PDZRN3: variants seen among roughly 807,000 people sequenced by gnomAD.
PDZRN3 encodes the protein E3 ubiquitin-protein ligase PDZRN3.
Under a neutral mutation model 85.7 loss-of-function variants are expected in PDZRN3, and 38 were observed. The ratio of observed to expected loss-of-function variants is 0.44; its 90% CI spans 0.34 to 0.58. The LOEUF is 0.58. PDZRN3 is among the 20% of genes least tolerant of loss of function. The probability of loss-of-function intolerance (pLI) is 0.01; values close to 1 mark genes in which losing one functional copy is unlikely to be tolerated. For missense variants in PDZRN3, 1,629 were observed against 1,506.4 expected (o/e 1.08, Z -1.35); for synonymous variants, 759 against 638.0 (o/e 1.19, Z -2.86).
chr3:73,502,206 G>A (rs989452861), intron 3 of PDZRN3, among the ~76,000 whole-genome samples: 1 of 152,188 alleles, frequency 6.6e-6, no homozygotes, highest in Non-Finnish European at 1.5e-5. Flanking sequence ...TCTTGATTTG[G>A]TTGCTCATGA....
intron 3 of PDZRN3, among the ~76,000 whole-genome samples, chr3:73,544,688 T>C (rs1035187544): frequency 4.4e-5 from 6 of 137,626 alleles, no homozygotes; most frequent in Admixed American, 2.1e-4. Flanking sequence ...ACTATCTGGG[T>C]TTTTTTTTTT....
chr3:73,410,954 A>G (rs1359682454), intron 3 of PDZRN3, among the ~76,000 whole-genome samples: 3 of 152,210 alleles, frequency 2.0e-5, no homozygotes, highest in Non-Finnish European at 4.4e-5. Flanking sequence ...AGCTCCAGAT[A>G]TTATAGGAAA....
chr3:73,498,978 C>T (rs2106679753), intron 3 of PDZRN3, among the ~76,000 whole-genome samples: 1 of 152,258 alleles, frequency 6.6e-6, no homozygotes, highest in Middle Eastern at 3.4e-3. Flanking sequence ...GAGATACAAG[C>T]TGGGGTAGCA....
In PDZRN3 at chr3:73,624,883, C is replaced by A. The variant is rs1392781079; in HGVS notation, c.-58G>T. ...CGGCCGGGCGCCCCCTCCCTCCCCA[C>A]GAGGCGGCCCAGACAGGCCGGCTAC... On this transcript the variant is annotated 5_prime_UTR_variant, in exon 1 of 10. Coordinates refer to ENST00000263666, the MANE Select transcript of PDZRN3 (RefSeq NM_015009.3). 8 of 1,251,026 alleles carry A rather than the reference C, an allele frequency of 6.4e-6. No individual in the cohort carries two copies. The highest frequency in any genetic ancestry group is 7.0e-6 in the Non-Finnish European group (7 of 995,864). 77.5% of individuals were successfully genotyped at this position (1,251,026 alleles called of 1,614,324 possible).
At chr3:73,533,020 T>C (rs1259460540) in intron 3 of PDZRN3, among the ~76,000 whole-genome samples, 5 of 152,234 alleles carry the variant, frequency 3.3e-5, no homozygotes, top group African/African-American at 1.2e-4. Context: ...TAGAAACTCT[T>C]TGAGAAGTCT....
chr3:73,561,551 T>G (rs959945553), intron 3 of PDZRN3: 1 of 152,244 alleles, frequency 6.6e-6, no homozygotes, highest in African/African-American at 2.4e-5. Flanking sequence ...TTTGGATGCG[T>G]CAGCTCGGAA....
At chr3:73,521,401 G>A (rs770755450) in intron 3 of PDZRN3, among the ~76,000 whole-genome samples, 1 of 152,082 alleles carries the variant, frequency 6.6e-6, no homozygotes, top group Non-Finnish European at 1.5e-5. Flanking sequence ...GGCAGATGGC[G>A]CCAGATTAAA....
intron 3 of PDZRN3, among the ~76,000 whole-genome samples, chr3:73,493,958 T>G (rs1170485656): frequency 2.6e-5 from 4 of 152,246 alleles, no homozygotes; most frequent in Admixed American, 6.5e-5. Context: ...TTAGCACAGC[T>G]AAGTAAATTG....
intron 9 of PDZRN3, 141 bp from the exon 10 acceptor site, chr3:73,385,071 C>T (rs977970415): frequency 8.8e-6 from 8 of 909,960 alleles, no homozygotes; most frequent in East Asian, 2.6e-5. Context: ...AGTAGGACCA[C>T]GTCAATAGCG....
chr3:73,600,810 CT>C (rs988160624), intron 3 of PDZRN3, among the ~76,000 whole-genome samples: 2 of 152,146 alleles, frequency 1.3e-5, no homozygotes, highest in Admixed American at 6.5e-5. Context: ...TGTATTCACT[CT>C]CAAAAAAGAC....
intron 3 of PDZRN3, among the ~76,000 whole-genome samples, chr3:73,504,098 C>A (rs1704030019): frequency 6.6e-6 from 1 of 152,170 alleles, no homozygotes; most frequent in East Asian, 1.9e-4. Context: ...TATTACACTG[C>A]TGTGTATGTG....
At chr3:73,494,087 C>G (rs1575689627) in intron 3 of PDZRN3, among the ~76,000 whole-genome samples, 2 of 152,262 alleles carry the variant, frequency 1.3e-5, no homozygotes, top group Admixed American at 1.3e-4. Flanking sequence ...TTGCTTTTCG[C>G]TATGTTTTGT....
Position 73,385,036 on chromosome 3 carries a change from C to T in PDZRN3, c.1636-106G>A, listed in dbSNP as rs534628230. 3.0e-6 allele frequency: 4 copies of T among 1,347,884 alleles called. No homozygotes were observed. In the African/African-American group the frequency reaches 5.9e-5, roughly 20 times the overall value. The allele number at this position is 1,347,884 out of a possible 1,614,324, so 83.5% of individuals were successfully genotyped here. ...TCTGGATAGGGCAGGCTGTACATTT[C>T]TAAGGCCAAGGGACAGCATCTGACA... On this transcript the variant is annotated intron_variant, in intron 9 of 9. Transcript: ENST00000263666.
intron 3 of PDZRN3, among the ~76,000 whole-genome samples, chr3:73,488,738 G>A (rs972618885): frequency 2.6e-5 from 4 of 152,188 alleles, no homozygotes; most frequent in African/African-American, 9.7e-5. Flanking sequence ...TGTGCTTGGG[G>A]CTTAATGCTC....
chr3:73,539,829 A>T (rs1218701788), intron 3 of PDZRN3, among the ~76,000 whole-genome samples: 3 of 152,154 alleles, frequency 2.0e-5, no homozygotes, highest in Non-Finnish European at 4.4e-5. Flanking sequence ...CCTGCTAGGT[A>T]TAGCTACACA....
At chr3:73,447,127 CATTT>C (rs1339350471) in intron 3 of PDZRN3, among the ~76,000 whole-genome samples, 3 of 147,956 alleles carry the variant, frequency 2.0e-5, no homozygotes, top group Non-Finnish European at 3.0e-5. Context: ...TTTTGCAATC[CATTT>C]ATTTGTCTCT....
intron 5 of PDZRN3, among the ~76,000 whole-genome samples, chr3:73,398,128 T>A (rs1158655527): frequency 6.6e-6 from 1 of 152,120 alleles, no homozygotes; most frequent in African/African-American, 2.4e-5. Context: ...ACCAGACTAG[T>A]TTTCTAAACA....
intron 3 of PDZRN3, among the ~76,000 whole-genome samples, chr3:73,587,503 A>T (rs546544651): frequency 7.9e-4 from 120 of 152,364 alleles, no homozygotes; most frequent in Non-Finnish European, 1.4e-3. Flanking sequence ...GTATAAAGAT[A>T]GTATAGTTTT....
At chr3:73,597,967 G>A (rs372579245) in intron 3 of PDZRN3, among the ~76,000 whole-genome samples, 2 of 152,102 alleles carry the variant, frequency 1.3e-5, no homozygotes, top group African/African-American at 4.8e-5. Flanking sequence ...CTGGACTTAC[G>A]AAGAGATGGT....
Sources: allele counts gnomAD v4.1 joint callset (sites outside exome capture counted in the v4.1 genomes callset), GRCh38; gene constraint gnomAD v4.1.1; transcripts MANE v1.5; gene names NCBI Gene and HGNC (gene_info 2026-07-23, HGNC 2026-07-21).